WRN: variants seen among roughly 807,000 people sequenced by gnomAD.
WRN encodes WRN RecQ like helicase.
A neutral mutation model predicts 180.7 loss-of-function variants in WRN; 149 were observed. That is an observed-to-expected ratio of 0.82 (90% confidence interval 0.72 to 0.94). WRN has a LOEUF of 0.94. Ranked by LOEUF, WRN falls within the 40% of genes least tolerant of loss-of-function variation. WRN has a pLI of 0.00. For synonymous variants in WRN, 548 were observed against 568.9 expected, an observed-to-expected ratio of 0.96 and a Z score of 0.52; for missense variants, 1,661 against 1,700.1, an observed-to-expected ratio of 0.98 and a Z score of 0.40.
chr8:31,087,132 TAA>T (rs2130151320), intron 11 of WRN, among the ~76,000 whole-genome samples: 1 of 152,302 alleles, frequency 6.6e-6, no homozygotes, highest in Non-Finnish European at 1.5e-5. Context: ...TGTAGTTTAA[TAA>T]AGTCTTCCTG....
intron 14 of WRN, 126 bp downstream of exon 14, chr8:31,090,658 G>C (rs1329343754): frequency 3.5e-6 from 4 of 1,144,696 alleles, no homozygotes; most frequent in Non-Finnish European, 3.8e-6. Context: ...CTATAGAAGA[G>C]AGTGAACAAA....
chr8:31,090,732 T>G, intron 14 of WRN, 102 bp from the exon 15 acceptor site: 1 of 1,103,242 alleles, frequency 9.1e-7, no homozygotes, highest in South Asian at 1.5e-5. Flanking sequence ...GTATTGACCA[T>G]TCATCTGTAT....
chr8:31,060,890 A>G (rs1812463463), intron 3 of WRN, among the ~76,000 whole-genome samples: 1 of 152,170 alleles, frequency 6.6e-6, no homozygotes, highest in African/African-American at 2.4e-5. Flanking sequence ...TGGACACTTT[A>G]AATTTTTGCT....
chr8:31,125,281 A>G (rs1346362164), intron 23 of WRN, among the ~76,000 whole-genome samples: 1 of 151,408 alleles, frequency 6.6e-6, no homozygotes, highest in Non-Finnish European at 1.5e-5. Context: ...TGGTTTAAAA[A>G]CATGACCCTG....
At chr8:31,157,699 T>C (rs1379271568) in intron 33 of WRN, among the ~76,000 whole-genome samples, 169 bp downstream of exon 33, 4 of 152,284 alleles carry the variant, frequency 2.6e-5, no homozygotes, top group African/African-American at 9.6e-5. Flanking sequence ...CCATTATCAC[T>C]CAGAGGAAAG....
Position 31,090,631 on chromosome 8 carries a change from A to G in WRN, c.1720+99A>G, listed in dbSNP as rs3087411. Reference sequence around the variant, plus strand: ...ATTAAACTCTCAAAATACAAATGCAACTACAAATGATGTAAACTATAGAAG... The same window carrying G: ...ATTAAACTCTCAAAATACAAATGCAGCTACAAATGATGTAAACTATAGAAG... On this transcript the variant is annotated intron_variant, in intron 14 of 34. Coordinates refer to ENST00000298139, the MANE Select transcript of WRN (RefSeq NM_000553.6). 2.0e-4 allele frequency: 248 copies of G among 1,253,888 alleles called. 2 individuals carry two copies. The East Asian group carries it at 2.4e-3, about 12-fold the overall frequency. The allele number at this position is 1,253,888 out of a possible 1,614,324, so 77.7% of individuals were successfully genotyped here.
chr8:31,035,616 T>A (rs952617380), intron 1 of WRN, among the ~76,000 whole-genome samples: 2 of 152,156 alleles, frequency 1.3e-5, no homozygotes, highest in African/African-American at 4.8e-5. Context: ...GTTGGAGAGT[T>A]GTTAGGGAAA....
intron 3 of WRN, among the ~76,000 whole-genome samples, chr8:31,060,537 TCAAA>T (rs905905888): frequency 7.9e-5 from 12 of 152,216 alleles, no homozygotes; most frequent in Non-Finnish European, 1.5e-4. Context: ...AAACCCTGTC[TCAAA>T]CAGACAAACA....
At chr8:31,121,260 A>T (rs1229368698) in intron 21 of WRN, among the ~76,000 whole-genome samples, 1 of 152,006 alleles carries the variant, frequency 6.6e-6, no homozygotes, top group Admixed American at 6.6e-5. Flanking sequence ...AGCTGAATAA[A>T]TTGAGATCTT....
At chr8:31,048,836 A>G (rs888451757) in intron 1 of WRN, among the ~76,000 whole-genome samples, 1 of 152,182 alleles carries the variant, frequency 6.6e-6, no homozygotes, top group Non-Finnish European at 1.5e-5. Context: ...TTTCTGTGTC[A>G]GAATATTTGA....
In WRN at chr8:31,065,142, GA is replaced by G; in HGVS notation, c.504+80del. 7.4e-6 allele frequency: 11 copies of G among 1,478,318 alleles called. No individual in the cohort carries two copies. In the South Asian group the frequency reaches 1.2e-4, roughly 16 times the overall value. 91.6% of individuals were successfully genotyped at this position (1,478,318 alleles called of 1,614,324 possible). On this transcript the variant is annotated intron_variant, in intron 5 of 34. Coordinates refer to ENST00000298139, the MANE Select transcript of WRN (RefSeq NM_000553.6). ...GAATGTACTTTCTATCTGAATGTTA[GA>G]TTTTTTTTTGAAAAAGCTTGTTATA...
intron 24 of WRN, among the ~76,000 whole-genome samples, chr8:31,137,572 A>G (rs1802446810): frequency 1.3e-5 from 2 of 152,176 alleles, no homozygotes; most frequent in South Asian, 4.1e-4. Flanking sequence ...GCTGTTAACT[A>G]ATAAAAAGCA....
intron 9 of WRN, among the ~76,000 whole-genome samples, chr8:31,082,363 A>G (rs1286181183): frequency 4.6e-5 from 7 of 152,124 alleles, no homozygotes; most frequent in Non-Finnish European, 8.8e-5. Context: ...CATTTGAGCA[A>G]TTCTCTGTAT....
chr8:31,045,753 G>A (rs1158039272), intron 1 of WRN, among the ~76,000 whole-genome samples: 1 of 152,002 alleles, frequency 6.6e-6, no homozygotes, highest in Non-Finnish European at 1.5e-5. Flanking sequence ...AGTAGGGTGA[G>A]TTTTTCCTTG....
intron 31 of WRN, 99 bp downstream of exon 31, chr8:31,150,554 C>A: frequency 2.1e-6 from 2 of 960,530 alleles, no homozygotes; most frequent in Non-Finnish European, 3.3e-6. Context: ...ACTTTATTTG[C>A]ATTTCCATAC....
chr8:31,142,532 T>C (rs1025607263), intron 26 of WRN, 94 bp from the exon 27 acceptor site: 2 of 985,190 alleles, frequency 2.0e-6, no homozygotes, highest in Non-Finnish European at 2.9e-6. Context: ...AAGGGTAATA[T>C]CTTATTCATC....
chr8:31,064,541 CA>C, intron 4 of WRN, 107 bp downstream of exon 4: 2 of 1,462,528 alleles, frequency 1.4e-6, no homozygotes, highest in Non-Finnish European at 1.9e-6. Context: ...CTCATTATCT[CA>C]AATTTATTTA....
Position 31,167,221 on chromosome 8 carries a change from C to G in WRN, c.4182C>G (p.Ile1394Met). The G allele has an allele frequency of 6.2e-7, 1 of 1,612,164 alleles. No homozygotes were observed. The highest frequency in any genetic ancestry group is 8.5e-7 in the Non-Finnish European group (1 of 1,178,700). ...AGAGAAGCAAGGAAGAAGTAGGCAT[C>G]AATACTGAGGTATTAATTATATATA... The part of the protein sequence containing the change: ...SSKRSKEEVG[I>M]NTETSSAERK... Residue 1394 changes from isoleucine (I) to methionine (M), a missense_variant, in exon 34 of 35, where the codon ATC becomes ATG. This residue lies in a region of WRN where 1,141 missense variants were observed against 1,149.4 expected (regional missense o/e 0.99). Coordinates refer to ENST00000298139, the MANE Select transcript of WRN (RefSeq NM_000553.6).
intron 24 of WRN, among the ~76,000 whole-genome samples, chr8:31,134,915 A>T (rs1327949784): frequency 6.6e-6 from 1 of 152,168 alleles, no homozygotes; most frequent in East Asian, 1.9e-4. Context: ...TATTTTGCAC[A>T]TAGAATTATA....
Sources: allele counts gnomAD v4.1 joint callset (sites outside exome capture counted in the v4.1 genomes callset), GRCh38; gene constraint gnomAD v4.1.1; regional missense constraint gnomAD v4.1.1; transcripts MANE v1.5; gene names NCBI Gene and HGNC (gene_info 2026-07-23, HGNC 2026-07-21).